Variants in RNF216 observed in about 807,000 individuals in gnomAD.
RNF216 encodes the protein ring finger protein 216.
A neutral mutation model predicts 110.8 loss-of-function variants in RNF216; 72 were observed. The observed-to-expected ratio is 0.65, with a 90% CI of 0.54 to 0.79. The LOEUF is 0.79. Ranked by LOEUF, RNF216 falls within the 30% of genes least tolerant of loss-of-function variation. The pLI is 0.00. For synonymous variants in RNF216, 495 were observed against 407.5 expected, an observed-to-expected ratio of 1.21 and a Z score of -2.59; for missense variants, 1,342 against 1,141.2, an observed-to-expected ratio of 1.18 and a Z score of -2.54.
At position 5,754,830 on chromosome 7, in the gene RNF216, C is replaced by T. The variant is rs192240549; in HGVS notation, c.68-1851G>A. Among the ~76,000 whole-genome samples the T allele has an allele frequency of 2.6e-5, 4 of 152,142 alleles. No homozygotes were observed. In the East Asian group the frequency reaches 5.8e-4, roughly 22 times the overall value. ...ATCACTTGAGGCCAGGAGTTCGAGACGAGCCTGGCCAACATGGTAAAACCC... is the reference window on the plus strand; with the variant it reads ...ATCACTTGAGGCCAGGAGTTCGAGATGAGCCTGGCCAACATGGTAAAACCC... On this transcript the variant is annotated intron_variant, in intron 2 of 16. Transcript: ENST00000389902.
At position 5,713,101 on chromosome 7, in the gene RNF216, C is replaced by T. The variant is rs991438354; in HGVS notation, c.1834-238G>A. On this transcript the variant is annotated intron_variant, in intron 11 of 16. Coordinates refer to ENST00000389902, the MANE Select transcript of RNF216 (RefSeq NM_207111.4). ...CACAATCCACAAAGACTGAAAGTGGCGGAAGGGCAAATGGCTTAGCAGACC... is the reference window on the plus strand; with the variant it reads ...CACAATCCACAAAGACTGAAAGTGGTGGAAGGGCAAATGGCTTAGCAGACC... 1.8e-4 allele frequency among the ~76,000 whole-genome samples: 28 copies of T among 152,218 alleles called. 1 individual carries two copies. Among genetic ancestry groups the T allele is most frequent in the Non-Finnish European group, 3.7e-4 (25 of 68,022 alleles).
intron 3 of RNF216, among the ~76,000 whole-genome samples, chr7:5,744,324 G>A (rs558792452): frequency 1.7e-4 from 26 of 152,300 alleles, no homozygotes; most frequent in African/African-American, 6.3e-4. Context: ...GGTCAGAATA[G>A]CCATAGTAAG....
Position 5,654,165 on chromosome 7 carries a change from G to A in RNF216, c.2062-1655C>T, listed in dbSNP as rs958917380. On this transcript the variant is annotated intron_variant, in intron 13 of 16. Transcript: ENST00000389902. ...AGAGGCCATGAAGGCCCAGACAAGG[G>A]TGGTGGGCAAGGACAGGTAGAAAAG... Among the ~76,000 whole-genome samples, 7 of 152,350 alleles carry A rather than the reference G, an allele frequency of 4.6e-5. No individual in the cohort carries two copies. The South Asian group carries it at 1.0e-3, about 23-fold the overall frequency.
At chr7:5,661,102 G>C (rs986639816) in intron 13 of RNF216, among the ~76,000 whole-genome samples, 1 of 151,936 alleles carries the variant, frequency 6.6e-6, no homozygotes, top group Non-Finnish European at 1.5e-5. Flanking sequence ...ACCATGCCCG[G>C]CTAATTTTTG....
In RNF216 at chr7:5,643,009, A is replaced by G. The variant is rs796355390; in HGVS notation, c.2160-1633T>C. ...TTACAGTCTTTTCATGAAGGCTTGG[A>G]AAGAGGGTCTATTTGCTTGCTCATC... On this transcript the variant is annotated intron_variant, in intron 14 of 16. Transcript: ENST00000389902. Among the ~76,000 whole-genome samples the G allele has an allele frequency of 4.9e-4, 74 of 152,240 alleles. 1 individual carries two copies. Among genetic ancestry groups the G allele is most frequent in the African/African-American group, 1.8e-3 (73 of 41,520 alleles).
intron 1 of RNF216, among the ~76,000 whole-genome samples, chr7:5,775,990 A>C (rs916691351): frequency 2.8e-4 from 43 of 152,134 alleles, no homozygotes; most frequent in African/African-American, 8.9e-4. Context: ...AATGTCTATA[A>C]ACGATTGTTT....
intron 9 of RNF216, among the ~76,000 whole-genome samples, chr7:5,717,484 C>A (rs1336526304): frequency 2.0e-5 from 3 of 152,190 alleles, no homozygotes; most frequent in African/African-American, 7.2e-5. Flanking sequence ...GGGGCACTGG[C>A]ACAGAGTCAT....
chr7:5,717,859 T>G (rs1023515355), intron 9 of RNF216, among the ~76,000 whole-genome samples: 2 of 152,118 alleles, frequency 1.3e-5, no homozygotes, highest in Admixed American at 6.5e-5. Flanking sequence ...CTCAGCTCAC[T>G]GCAGCCTCGA....
chr7:5,718,402 C>T lies in RNF216; in HGVS notation c.1645-1636G>A, dbSNP rs567627307. Among the ~76,000 whole-genome samples, 5 of 152,080 alleles carry T rather than the reference C, an allele frequency of 3.3e-5. No individual in the cohort carries two copies. The East Asian group carries it at 5.8e-4, about 18-fold the overall frequency. On this transcript the variant is annotated intron_variant, in intron 9 of 16. Transcript: ENST00000389902. ...TCTCAAAAAACAAACAAACAAAATG[C>T]GAGAAAGGGACAGCACAAAAGCTAG...
At chr7:5,684,090 C>A (rs1487146060) in intron 13 of RNF216, among the ~76,000 whole-genome samples, 1 of 134,740 alleles carries the variant, frequency 7.4e-6, no homozygotes, top group South Asian at 2.4e-4. Flanking sequence ...ACAAGCTGGG[C>A]CTTCTTTTTT....
chr7:5,623,470 T>C (rs1786517582), intron 16 of RNF216, among the ~76,000 whole-genome samples: 1 of 152,040 alleles, frequency 6.6e-6, no homozygotes, highest in East Asian at 1.9e-4. Flanking sequence ...AGTTACTTTT[T>C]TTTTTTTTTT....
intron 5 of RNF216, among the ~76,000 whole-genome samples, chr7:5,732,012 ATAT>A (rs1794120794): frequency 6.6e-6 from 1 of 152,096 alleles, no homozygotes; most frequent in African/African-American, 2.4e-5. Flanking sequence ...CAGGAGTCCC[ATAT>A]ACTCTTCATC....
At chr7:5,741,939 C>A (rs1024232771) in intron 3 of RNF216, 124 bp from the exon 4 acceptor site, 14 of 932,510 alleles carry the variant, frequency 1.5e-5, no homozygotes, top group African/African-American at 5.0e-5. Flanking sequence ...CTTAACAATA[C>A]CTATTCTTTA....
At chr7:5,756,119 T>G (rs911859657) in intron 2 of RNF216, among the ~76,000 whole-genome samples, 5 of 152,070 alleles carry the variant, frequency 3.3e-5, no homozygotes, top group South Asian at 2.1e-4. Flanking sequence ...TGATAGTGAG[T>G]GAGTCTTGAG....
At position 5,741,472 on chromosome 7, in the gene RNF216, T is replaced by A. The variant is rs1197718825; in HGVS notation, c.545A>T (p.Glu182Val). 7 of 1,614,066 alleles carry A rather than the reference T, an allele frequency of 4.3e-6. No individual in the cohort carries two copies. Among genetic ancestry groups the A allele is most frequent in the African/African-American group, 1.3e-5 (1 of 74,916 alleles). Reference protein sequence around the residue: ...PRSEQKVIILEEGSLLYTESD... With the variant: ...PRSEQKVIILVEGSLLYTESD... ...TTCTGTGTAAAGAAGGCTACCTTCT[T>A]CCAAGATGATGACTTTCTGCTCTGA... The change falls in exon 4 of 17, where the codon GAA becomes GTA. Residue 182 changes from glutamate (E) to valine (V), a missense_variant. By Grantham distance (121) the Glu-to-Val change is moderately radical. Transcript: ENST00000389902.
At chr7:5,648,195 C>T (rs910206599) in intron 14 of RNF216, among the ~76,000 whole-genome samples, 26 of 151,850 alleles carry the variant, frequency 1.7e-4, no homozygotes, top group African/African-American at 5.6e-4. Context: ...TAACCTCTGC[C>T]CCATAGGTTC....
chr7:5,624,946 G>A lies in RNF216; in HGVS notation c.2383-821C>T, dbSNP rs1254632280. Reference sequence around the variant, plus strand: ...GCTGCTGCCTCAGGACAGACCACCCGTGATGCCTGCTTCATGAGTGGCGCT... The same window carrying A: ...GCTGCTGCCTCAGGACAGACCACCCATGATGCCTGCTTCATGAGTGGCGCT... On this transcript the variant is annotated intron_variant, in intron 15 of 16. Transcript: ENST00000389902. This position sits in a 1 kb window ranked among gnomAD's most constrained non-coding sequence, Gnocchi z 4.4. Among the ~76,000 whole-genome samples, 2 of 152,220 alleles carry A rather than the reference G, an allele frequency of 1.3e-5. No individual in the cohort carries two copies. Among genetic ancestry groups the A allele is most frequent in the East Asian group, 1.9e-4 (1 of 5,198 alleles).
intron 8 of RNF216, 100 bp downstream of exon 8, chr7:5,725,224 T>G (rs779062827): frequency 1.4e-6 from 1 of 711,292 alleles, no homozygotes; most frequent in Non-Finnish European, 2.4e-6. Context: ...CCTGTCCAGA[T>G]GCTCAGCAGA....
chr7:5,775,794 G>A (rs766572535), intron 1 of RNF216, among the ~76,000 whole-genome samples: 1 of 151,796 alleles, frequency 6.6e-6, no homozygotes, highest in Non-Finnish European at 1.5e-5. Flanking sequence ...GCTTGAACCC[G>A]GGATGCAAAG....
Sources: gnomAD v4.1 joint callset for allele counts (sites outside exome capture counted in the v4.1 genomes callset) on GRCh38, gnomAD v4.1.1 for gene constraint, Gnocchi (gnomAD v3.1) non-coding constraint, MANE v1.5 for transcripts, NCBI Gene and HGNC (gene_info 2026-07-23, HGNC 2026-07-21) for gene names.